Variants in KCNIP1 observed in about 807,000 individuals in gnomAD.
KCNIP1 encodes the protein A-type potassium channel modulatory protein KCNIP1.
A neutral mutation model predicts 33.0 loss-of-function variants in KCNIP1; 18 were observed. The ratio of observed to expected loss-of-function variants is 0.55; its 90% confidence interval spans 0.38 to 0.81. The LOEUF (loss-of-function observed/expected upper bound fraction) is 0.81. Among genes scored for constraint, KCNIP1 ranks in the 30% least tolerant of loss-of-function variants. KCNIP1 has a pLI of 0.00. For missense variants in KCNIP1, 238 were observed against 271.6 expected, an observed-to-expected ratio of 0.88 and a Z score of 0.87; for synonymous variants, 93 against 98.3, an observed-to-expected ratio of 0.95 and a Z score of 0.32.
chr5:170,729,893 A>G (rs1764136694), intron 5 of KCNIP1, among the ~76,000 whole-genome samples: 1 of 152,090 alleles, frequency 6.6e-6, no homozygotes, highest in South Asian at 2.1e-4. Context: ...GGAAATAAAG[A>G]ATAGACACAA....
intron 1 of KCNIP1, among the ~76,000 whole-genome samples, chr5:170,575,589 G>A (rs1364255749): frequency 6.6e-6 from 1 of 152,158 alleles, no homozygotes; most frequent in Admixed American, 6.5e-5. Flanking sequence ...TGCCTACACT[G>A]CTTTTGTGTG....
At chr5:170,429,082 C>G (rs1581183891) in intron 1 of KCNIP1, among the ~76,000 whole-genome samples, 1 of 152,142 alleles carries the variant, frequency 6.6e-6, no homozygotes, top group African/African-American at 2.4e-5. Flanking sequence ...CAGACTGAGA[C>G]TCTGTCTCAA....
intron 1 of KCNIP1, among the ~76,000 whole-genome samples, chr5:170,567,797 C>A (rs140167831): frequency 6.6e-6 from 1 of 152,314 alleles, no homozygotes; most frequent in Admixed American, 6.5e-5. Context: ...ATGGGAAATG[C>A]CACTCTTGGC....
At chr5:170,525,986 A>C (rs943977770) in intron 1 of KCNIP1, among the ~76,000 whole-genome samples, 1 of 152,174 alleles carries the variant, frequency 6.6e-6, no homozygotes, top group African/African-American at 2.4e-5. Context: ...TCCTGGGGCG[A>C]CATGTCTGCC....
At chr5:170,714,675 T>TA (rs34500856) in intron 1 of KCNIP1, among the ~76,000 whole-genome samples, 1 of 151,752 alleles carries the variant, frequency 6.6e-6, no homozygotes, top group Admixed American at 6.6e-5. Context: ...TTTGTAATTT[T>TA]AAAAAAAGGG....
chr5:170,620,184 G>A (rs1009809164), intron 1 of KCNIP1, among the ~76,000 whole-genome samples: 1 of 152,178 alleles, frequency 6.6e-6, no homozygotes. Flanking sequence ...TCCCTAGAGA[G>A]CCTTGTAGTG....
At chr5:170,718,639 C>A (rs1297508981) in intron 1 of KCNIP1, 119 bp from the exon 2 acceptor site, 9 of 1,201,016 alleles carry the variant, frequency 7.5e-6, no homozygotes, top group Admixed American at 2.1e-5. Flanking sequence ...GGCAGTGTGA[C>A]CCCAGCCCAC....
chr5:170,530,109 G>A (rs1184099626), intron 1 of KCNIP1, among the ~76,000 whole-genome samples: 1 of 152,178 alleles, frequency 6.6e-6, no homozygotes, highest in Admixed American at 6.5e-5. Context: ...GGAGGGCAGA[G>A]ACTAAATTTA....
At chr5:170,643,514 T>A (rs1251140821) in intron 1 of KCNIP1, among the ~76,000 whole-genome samples, 1 of 152,072 alleles carries the variant, frequency 6.6e-6, no homozygotes, top group African/African-American at 2.4e-5. Flanking sequence ...AGTCCAACAC[T>A]TTACCCACTC....
intron 1 of KCNIP1, among the ~76,000 whole-genome samples, chr5:170,529,217 G>A (rs1247304198): frequency 6.6e-6 from 1 of 152,140 alleles, no homozygotes; most frequent in Non-Finnish European, 1.5e-5. Context: ...TTCTGTCTTG[G>A]CTTCATTCTC....
At chr5:170,445,013 A>C (rs533853556) in intron 1 of KCNIP1, among the ~76,000 whole-genome samples, 1 of 152,336 alleles carries the variant, frequency 6.6e-6, no homozygotes, top group East Asian at 1.9e-4. Context: ...AAGAGCACTC[A>C]GCTAGGCATT....
chr5:170,431,670 C>A (rs1023468367), intron 1 of KCNIP1, among the ~76,000 whole-genome samples: 4 of 152,316 alleles, frequency 2.6e-5, no homozygotes, highest in Non-Finnish European at 5.9e-5. Flanking sequence ...TCAGCCAAGC[C>A]CACGGGGGCC....
chr5:170,426,179 G>A (rs1172863941), intron 1 of KCNIP1, among the ~76,000 whole-genome samples: 4 of 151,772 alleles, frequency 2.6e-5, no homozygotes, highest in Non-Finnish European at 5.9e-5. Context: ...GGTTCTCTTA[G>A]GCCCCTGTAT....
chr5:170,674,466 T>C (rs1762054756), intron 1 of KCNIP1, among the ~76,000 whole-genome samples: 1 of 152,208 alleles, frequency 6.6e-6, no homozygotes, highest in African/African-American at 2.4e-5. Context: ...CAGTCATTAA[T>C]GAATGTGCTC....
chr5:170,518,167 G>T (rs1402689346), intron 1 of KCNIP1, among the ~76,000 whole-genome samples: 2 of 152,090 alleles, frequency 1.3e-5, no homozygotes, highest in African/African-American at 4.8e-5. Flanking sequence ...TGACAGTGGT[G>T]ATTATATAGT....
At chr5:170,551,867 AGT>A (rs35691232) in intron 1 of KCNIP1, among the ~76,000 whole-genome samples, 286 of 149,196 alleles carry the variant, frequency 1.9e-3, no homozygotes, top group African/African-American at 3.8e-3. Context: ...TGTGTGTTTG[AGT>A]GTGTGTGTGT....
intron 1 of KCNIP1, among the ~76,000 whole-genome samples, chr5:170,663,383 G>A (rs948993917): frequency 2.6e-5 from 4 of 152,132 alleles, no homozygotes; most frequent in Non-Finnish European, 5.9e-5. Context: ...CCATGTTTCA[G>A]TAAGAGAAAG....
intron 1 of KCNIP1, among the ~76,000 whole-genome samples, chr5:170,620,046 A>G (rs1759542132): frequency 6.6e-6 from 1 of 152,182 alleles, no homozygotes; most frequent in African/African-American, 2.4e-5. Flanking sequence ...ATGAGCTACA[A>G]ACTTCTCAGT....
chr5:170,710,625 G>A (rs567163936), intron 1 of KCNIP1, among the ~76,000 whole-genome samples: 1 of 152,334 alleles, frequency 6.6e-6, no homozygotes, highest in South Asian at 2.1e-4. Context: ...CAGGGACTGA[G>A]CTGTTTTCAT....
Sources: gnomAD v4.1 joint callset for allele counts (sites outside exome capture counted in the v4.1 genomes callset) on GRCh38, gnomAD v4.1.1 for gene constraint, MANE v1.5 for transcripts, NCBI Gene and HGNC (gene_info 2026-07-23, HGNC 2026-07-21) for gene names.